Variants in CHST11 observed in about 807,000 individuals in gnomAD.
The protein encoded by CHST11 is C4S-1.
A neutral mutation model predicts 30.4 loss-of-function variants in CHST11; 9 were observed. That is an observed-to-expected ratio of 0.30 (90% CI 0.18 to 0.52). CHST11 has a LOEUF of 0.52. CHST11 is among the 20% of genes least tolerant of loss of function. The pLI, the probability that CHST11 is intolerant of heterozygous loss-of-function variation, is 0.97. For missense variants in CHST11, 348 were observed against 460.6 expected (o/e 0.76, Z 2.24); for synonymous variants, 152 against 187.8 (o/e 0.81, Z 1.56).
intron 1 of CHST11, among the ~76,000 whole-genome samples, chr12:104,499,979 T>C (rs2037837398): frequency 6.6e-6 from 1 of 152,220 alleles, no homozygotes. Flanking sequence ...CAGTGTTTGA[T>C]TGTGGACTTT....
At chr12:104,506,302 A>G (rs2037904172) in intron 1 of CHST11, among the ~76,000 whole-genome samples, 1 of 152,220 alleles carries the variant, frequency 6.6e-6, no homozygotes, top group African/African-American at 2.4e-5. Flanking sequence ...AAAGTCCAAC[A>G]TTGCCACGTA....
At chr12:104,467,015 G>A (rs1230610314) in intron 1 of CHST11, among the ~76,000 whole-genome samples, 1 of 152,132 alleles carries the variant, frequency 6.6e-6, no homozygotes, top group African/African-American at 2.4e-5. Context: ...TTCAAGTTGT[G>A]GTTTCTTGGC....
At chr12:104,487,698 G>C (rs991374465) in intron 1 of CHST11, among the ~76,000 whole-genome samples, 2 of 151,378 alleles carry the variant, frequency 1.3e-5, no homozygotes, top group South Asian at 4.2e-4. Flanking sequence ...TAAGAATCCT[G>C]TAAAAATGCA....
intron 2 of CHST11, among the ~76,000 whole-genome samples, chr12:104,668,727 G>T (rs1021827139): frequency 1.3e-4 from 20 of 152,164 alleles, no homozygotes; most frequent in African/African-American, 4.8e-4. Context: ...AGATGTATGG[G>T]TCATGGCGGA....
intron 2 of CHST11, among the ~76,000 whole-genome samples, chr12:104,675,508 A>G (rs1311837847): frequency 2.6e-5 from 4 of 152,204 alleles, no homozygotes; most frequent in African/African-American, 7.2e-5. Context: ...ACAGGATCCA[A>G]TTAACTGAGG....
At chr12:104,475,605 C>G (rs2037548514) in intron 1 of CHST11, among the ~76,000 whole-genome samples, 1 of 142,926 alleles carries the variant, frequency 7.0e-6, no homozygotes, top group Non-Finnish European at 1.5e-5. Flanking sequence ...CCCACTGGCT[C>G]CTTCACCATC....
At chr12:104,500,269 C>T (rs969274618) in intron 1 of CHST11, among the ~76,000 whole-genome samples, 1 of 152,178 alleles carries the variant, frequency 6.6e-6, no homozygotes, top group African/African-American at 2.4e-5. Flanking sequence ...TATTGCCTCT[C>T]CTCTGGCAGC....
At chr12:104,595,817 G>A (rs1052205342) in intron 1 of CHST11, among the ~76,000 whole-genome samples, 2 of 152,194 alleles carry the variant, frequency 1.3e-5, no homozygotes, top group African/African-American at 2.4e-5. Context: ...TTGACCCAAG[G>A]TCCCAAGCCT....
chr12:104,742,970 A>G (rs142658893), intron 2 of CHST11, among the ~76,000 whole-genome samples: 7 of 152,368 alleles, frequency 4.6e-5, no homozygotes, highest in African/African-American at 1.7e-4. Flanking sequence ...GCTCTAAGCC[A>G]GAAATCTCCA....
intron 2 of CHST11, among the ~76,000 whole-genome samples, chr12:104,624,222 T>C (rs1370363925): frequency 6.6e-6 from 1 of 152,000 alleles, no homozygotes; most frequent in Non-Finnish European, 1.5e-5. Flanking sequence ...AATTTTGAGG[T>C]CTGAAAAGGG....
At chr12:104,547,419 C>A (rs901350278) in intron 1 of CHST11, among the ~76,000 whole-genome samples, 1 of 152,174 alleles carries the variant, frequency 6.6e-6, no homozygotes, top group Non-Finnish European at 1.5e-5. Flanking sequence ...TGGGTGCATG[C>A]GAGTACTTCC....
intron 1 of CHST11, among the ~76,000 whole-genome samples, chr12:104,465,827 G>C (rs1334779675): frequency 6.6e-6 from 1 of 151,912 alleles, no homozygotes; most frequent in Non-Finnish European, 1.5e-5. Flanking sequence ...GTGTTTCAGG[G>C]CAGGAAATAG....
rs1223805202 is a variant in CHST11, at chr12:104,632,618, G to A, written c.204+30627G>A. Among the ~76,000 whole-genome samples the A allele has an allele frequency of 5.9e-5, 9 of 152,338 alleles. No individual in the cohort carries two copies. In the South Asian group the frequency reaches 1.7e-3, roughly 28 times the overall value. On this transcript the variant is annotated intron_variant, in intron 2 of 2. Transcript: ENST00000303694. ...GGAACCTCCTGAAATCACTTTATGT[G>A]ATGGGTTCCTCCATCCGCTCAAACG... is the stretch of plus-strand genomic sequence containing the variant.
intron 2 of CHST11, among the ~76,000 whole-genome samples, chr12:104,655,420 C>G (rs11112145): frequency 0.18 from 27,351 of 152,178 alleles, 3,013 homozygotes; most frequent in African/African-American, 0.31. Flanking sequence ...TGCTCTCACT[C>G]CCCCCAGCAT....
intron 1 of CHST11, among the ~76,000 whole-genome samples, chr12:104,545,494 A>C (rs939047892): frequency 1.3e-5 from 2 of 152,246 alleles, no homozygotes; most frequent in Non-Finnish European, 2.9e-5. Context: ...AGGTGGGCAC[A>C]TGCTTGGCTG....
At chr12:104,562,224 G>GC (rs2038520853) in intron 1 of CHST11, among the ~76,000 whole-genome samples, 1 of 152,154 alleles carries the variant, frequency 6.6e-6, no homozygotes, top group Admixed American at 6.5e-5. Context: ...GGAGGAGCCT[G>GC]CTCATGCTGG....
intron 2 of CHST11, among the ~76,000 whole-genome samples, chr12:104,735,198 C>A (rs915763299): frequency 6.6e-6 from 1 of 152,142 alleles, no homozygotes; most frequent in Admixed American, 6.5e-5. Flanking sequence ...GCTGCACCAC[C>A]GGCTAGCTTT....
intron 1 of CHST11, among the ~76,000 whole-genome samples, chr12:104,570,320 C>T (rs2038611136): frequency 6.6e-6 from 1 of 152,166 alleles, no homozygotes; most frequent in African/African-American, 2.4e-5. Flanking sequence ...TTTCGCAAGC[C>T]TCCCCCTCCC....
At chr12:104,713,982 A>C (rs1267308853) in intron 2 of CHST11, among the ~76,000 whole-genome samples, 1 of 152,182 alleles carries the variant, frequency 6.6e-6, no homozygotes, top group Admixed American at 6.5e-5. Context: ...CAGCTTGAGC[A>C]GCCTCCCTGC....
Sources: gnomAD v4.1 joint callset for allele counts (sites outside exome capture counted in the v4.1 genomes callset) on GRCh38, gnomAD v4.1.1 for gene constraint, MANE v1.5 for transcripts, NCBI Gene and HGNC (gene_info 2026-07-23, HGNC 2026-07-21) for gene names.